The following TSPAN11 variants were observed in gnomAD, a reference collection of about 807,000 sequenced individuals.
The protein encoded by TSPAN11 is tetraspanin-11.
Under a neutral mutation model 32.9 loss-of-function variants are expected in TSPAN11, and 29 were observed. The ratio of observed to expected loss-of-function variants is 0.88; its 90% CI spans 0.66 to 1.20. TSPAN11 has a LOEUF of 1.20. Among genes scored for constraint, TSPAN11 ranks in the 50% most tolerant of loss-of-function variants. The pLI is 0.00. For synonymous variants in TSPAN11, 140 were observed against 141.3 expected, an observed-to-expected ratio of 0.99 and a Z score of 0.07; for missense variants, 283 against 329.1, an observed-to-expected ratio of 0.86 and a Z score of 1.08.
intron 5 of TSPAN11, among the ~76,000 whole-genome samples, chr12:30,981,299 CAG>C (rs1162546221): frequency 6.6e-6 from 1 of 152,216 alleles, no homozygotes; most frequent in Non-Finnish European, 1.5e-5. Context: ...ATGTAAATGA[CAG>C]AGACACACAA....
At chr12:30,977,517 A>G (rs926817777) in intron 3 of TSPAN11, among the ~76,000 whole-genome samples, 58 of 151,430 alleles carry the variant, frequency 3.8e-4, no homozygotes, top group African/African-American at 1.4e-3. Context: ...AGTGGGGCCA[A>G]TTTCCATCAG....
At chr12:30,962,474 G>A (rs1476154925) in intron 2 of TSPAN11, among the ~76,000 whole-genome samples, 1 of 152,214 alleles carries the variant, frequency 6.6e-6, no homozygotes, top group Non-Finnish European at 1.5e-5. Context: ...TGCAGAATAT[G>A]TGCCCTGCCA....
chr12:30,979,480 G>A, intron 4 of TSPAN11, 86 bp from the exon 5 acceptor site: 1 of 1,224,424 alleles, frequency 8.2e-7, no homozygotes, highest in Non-Finnish European at 1.2e-6. Context: ...TCTAGAATTA[G>A]CTGGGGGGAG....
chr12:30,996,736 A>G (rs929120935), downstream of TSPAN11: 1 of 152,192 alleles, frequency 6.6e-6, no homozygotes, highest in Non-Finnish European at 1.5e-5. Context: ...CATTGGCCAC[A>G]TTGGATAGGG....
the TSPAN11 span, chr12:31,005,891 T>C: frequency 1.2e-5 from 2 of 160,812 alleles, no homozygotes; most frequent in Non-Finnish European, 2.8e-5. Flanking sequence ...GCTTCAGCAC[T>C]TCAGCACTCT....
At chr12:30,966,700 C>G (rs1358270131) in intron 3 of TSPAN11, among the ~76,000 whole-genome samples, 1 of 152,230 alleles carries the variant, frequency 6.6e-6, no homozygotes, top group Non-Finnish European at 1.5e-5. Flanking sequence ...GCAGGGCACA[C>G]CCTGCCCTCC....
chr12:30,978,212 T>C (rs1271449322), intron 3 of TSPAN11: 3 of 247,646 alleles, frequency 1.2e-5, no homozygotes, highest in African/African-American at 6.5e-5. Context: ...GCTTACCCTG[T>C]AGTTGCATTT....
At chr12:30,930,173 C>T (rs560660529) in intron 1 of TSPAN11, among the ~76,000 whole-genome samples, 68 of 152,238 alleles carry the variant, frequency 4.5e-4, no homozygotes, top group African/African-American at 1.6e-3. Flanking sequence ...TGGCACTCCA[C>T]AGGGTAGAGG....
intron 1 of TSPAN11, among the ~76,000 whole-genome samples, chr12:30,945,562 C>T (rs910580228): frequency 6.6e-6 from 1 of 152,146 alleles, no homozygotes; most frequent in African/African-American, 2.4e-5. Flanking sequence ...TGCTCCTGGT[C>T]GCTGGCCCTG....
chr12:30,965,810 G>T (rs1316653689), intron 3 of TSPAN11, among the ~76,000 whole-genome samples: 1 of 152,150 alleles, frequency 6.6e-6, no homozygotes, highest in East Asian at 1.9e-4. Flanking sequence ...TCACCTTGCA[G>T]TTGTGTTCTT....
At chr12:30,943,794 C>T (rs752450188) in intron 1 of TSPAN11, among the ~76,000 whole-genome samples, 7 of 152,150 alleles carry the variant, frequency 4.6e-5, no homozygotes, top group African/African-American at 9.7e-5. Context: ...GTCCACTCAT[C>T]GGGAATGGAG....
intron 1 of TSPAN11, 106 bp from the exon 2 acceptor site, chr12:30,953,874 AG>A (rs1372548457): frequency 1.4e-6 from 1 of 726,440 alleles, no homozygotes; most frequent in Non-Finnish European, 2.3e-6. Flanking sequence ...CCCGGCAGAT[AG>A]GTTAATGAGC....
At chr12:30,965,459 C>T (rs56144138) in intron 3 of TSPAN11, among the ~76,000 whole-genome samples, 3,296 of 152,244 alleles carry the variant, frequency 0.022, 52 homozygotes, top group South Asian at 0.041. Flanking sequence ...AAGCCCCCAC[C>T]GAGCGCCTTC....
At chr12:30,987,720 G>A (rs1001539546) in intron 7 of TSPAN11, among the ~76,000 whole-genome samples, 4 of 152,218 alleles carry the variant, frequency 2.6e-5, no homozygotes, top group African/African-American at 4.8e-5. Context: ...GCCACTATGC[G>A]GCCAGATGCA....
At chr12:30,965,378 C>T (rs1938708845) in intron 3 of TSPAN11, among the ~76,000 whole-genome samples, 2 of 152,180 alleles carry the variant, frequency 1.3e-5, no homozygotes, top group African/African-American at 4.8e-5. Context: ...CACCTGCCTC[C>T]TTCCTTCCGT....
At position 30,960,564 on chromosome 12, in the gene TSPAN11, G is replaced by A. The variant is rs192669760; in HGVS notation, c.85-3262G>A. ...TTATTTCTCTCGGCCCCTCAGGCATGTGCAGCCACTCAGGTTAATGCTTCA... is the reference window on the plus strand; with the variant it reads ...TTATTTCTCTCGGCCCCTCAGGCATATGCAGCCACTCAGGTTAATGCTTCA... On this transcript the variant is annotated intron_variant, in intron 2 of 7. Coordinates refer to ENST00000546076, the MANE Select transcript of TSPAN11 (RefSeq NM_001370302.1). Among the ~76,000 whole-genome samples the A allele has an allele frequency of 1.4e-4, 21 of 152,094 alleles. 1 individual carries two copies. The East Asian group carries it at 4.0e-3, about 29-fold the overall frequency.
intron 2 of TSPAN11, among the ~76,000 whole-genome samples, chr12:30,959,210 G>A (rs1282834788): frequency 6.6e-6 from 1 of 152,082 alleles, no homozygotes; most frequent in African/African-American, 2.4e-5. Flanking sequence ...AGGGGAGTGA[G>A]GGGACTTTCC....
chr12:30,960,141 G>A (rs1938583145), intron 2 of TSPAN11, among the ~76,000 whole-genome samples: 1 of 141,784 alleles, frequency 7.1e-6, no homozygotes, highest in Admixed American at 6.9e-5. Flanking sequence ...TGGGTGGGTG[G>A]GTGATGGCGC....
chr12:30,932,521 T>C (rs1165210662), intron 1 of TSPAN11, among the ~76,000 whole-genome samples: 1 of 152,204 alleles, frequency 6.6e-6, no homozygotes, highest in East Asian at 1.9e-4. Flanking sequence ...TGGGGCTCAC[T>C]AGGTCTCTGC....
Sources: gnomAD v4.1 joint callset for allele counts (sites outside exome capture counted in the v4.1 genomes callset) on GRCh38, gnomAD v4.1.1 for gene constraint, MANE v1.5 for transcripts, NCBI Gene and HGNC (gene_info 2026-07-23, HGNC 2026-07-21) for gene names.